The following RPTOR variants were observed in gnomAD, a reference collection of about 807,000 sequenced individuals.
The protein encoded by RPTOR is regulatory associated protein of MTOR complex 1.
In RPTOR, 21 loss-of-function variants were observed where a neutral mutation model predicts 169.9. The ratio of observed to expected loss-of-function variants is 0.12; its 90% CI spans 0.09 to 0.18. RPTOR has a LOEUF of 0.18. Among genes scored for constraint, RPTOR ranks in the 10% least tolerant of loss-of-function variants. The pLI, the probability that RPTOR is intolerant of heterozygous loss-of-function variation, is 1.00. For synonymous variants in RPTOR, 732 were observed against 753.2 expected (o/e 0.97, Z 0.46); for missense variants, 1,133 against 1,855.9 (o/e 0.61, Z 7.16).
chr17:80,653,520 T>C (rs753938851), intron 3 of RPTOR, among the ~76,000 whole-genome samples: 1 of 152,240 alleles, frequency 6.6e-6, no homozygotes, highest in African/African-American at 2.4e-5. Context: ...TCTCTCCACC[T>C]GGAGTGTATG....
intron 7 of RPTOR, among the ~76,000 whole-genome samples, chr17:80,817,408 G>T (rs1016480917): frequency 8.5e-5 from 13 of 152,104 alleles, no homozygotes; most frequent in Admixed American, 6.5e-5. Flanking sequence ...CACCCCATGG[G>T]GAGGAGATCA....
chr17:80,925,855 G>A (rs1052646539), intron 24 of RPTOR, among the ~76,000 whole-genome samples: 2 of 152,214 alleles, frequency 1.3e-5, no homozygotes, highest in East Asian at 1.9e-4. Flanking sequence ...CAATCCTAGC[G>A]CATTTGGGGT....
intron 6 of RPTOR, among the ~76,000 whole-genome samples, chr17:80,758,845 G>C (rs537567538): frequency 2.6e-5 from 4 of 151,958 alleles, no homozygotes; most frequent in Non-Finnish European, 5.9e-5. Flanking sequence ...AGGCAGATGG[G>C]TGGGGGAGCA....
At chr17:80,807,990 G>T (rs1338927678) in intron 7 of RPTOR, among the ~76,000 whole-genome samples, 4 of 152,112 alleles carry the variant, frequency 2.6e-5, no homozygotes. Flanking sequence ...ACTATAACGT[G>T]CATCCTGCTA....
At chr17:80,685,627 ATTTTTTTTTTTTTTTTT>A (rs1165540456) in intron 3 of RPTOR, among the ~76,000 whole-genome samples, 2 of 30,686 alleles carry the variant, frequency 6.5e-5, no homozygotes, top group African/African-American at 3.4e-4. Flanking sequence ...ATATATATAT[ATTTTTTTTTTTTTTTTT>A]TTTTTTTTTT....
chr17:80,905,730 G>A (rs914422974), intron 20 of RPTOR, among the ~76,000 whole-genome samples: 6 of 152,166 alleles, frequency 3.9e-5, no homozygotes, highest in Non-Finnish European at 7.3e-5. Flanking sequence ...GGGTGTCCGC[G>A]TCTGTGGCCC....
At chr17:80,546,462 AGT>A (rs1043141954) in intron 1 of RPTOR, among the ~76,000 whole-genome samples, 118 of 152,164 alleles carry the variant, frequency 7.8e-4, no homozygotes, top group African/African-American at 2.5e-3. Flanking sequence ...GAGTGTGGAG[AGT>A]GACTCACAAG....
chr17:80,643,622 A>G, intron 2 of RPTOR, 106 bp from the exon 3 acceptor site: 1 of 756,314 alleles, frequency 1.3e-6, no homozygotes, highest in South Asian at 1.8e-5. Flanking sequence ...CTTTTAGTCA[A>G]AGGTGACTTT....
At chr17:80,551,889 T>C (rs11653338) in intron 1 of RPTOR, among the ~76,000 whole-genome samples, 66,061 of 150,530 alleles carry the variant, frequency 0.44, 14,462 homozygotes, top group Middle Eastern at 0.51. Context: ...TCCGCAGTGT[T>C]TGTGTCCCTG....
At chr17:80,891,555 G>A (rs1020324700) in intron 17 of RPTOR, among the ~76,000 whole-genome samples, 165 bp from the exon 18 acceptor site, 7 of 152,236 alleles carry the variant, frequency 4.6e-5, no homozygotes, top group African/African-American at 7.2e-5. Flanking sequence ...CTATTCCAAG[G>A]CCTCTGCTCT....
At chr17:80,779,583 C>T (rs1327808702) in intron 6 of RPTOR, among the ~76,000 whole-genome samples, 1 of 152,122 alleles carries the variant, frequency 6.6e-6, no homozygotes, top group African/African-American at 2.4e-5. Context: ...AGGCACTGCC[C>T]CTCCGACACA....
At chr17:80,650,964 T>C (rs2065634613) in intron 3 of RPTOR, among the ~76,000 whole-genome samples, 1 of 152,236 alleles carries the variant, frequency 6.6e-6, no homozygotes. Flanking sequence ...TCGAGGATAT[T>C]ATCTCTCATC....
At chr17:80,882,946 G>A (rs1304406570) in intron 14 of RPTOR, among the ~76,000 whole-genome samples, 2 of 152,204 alleles carry the variant, frequency 1.3e-5, no homozygotes, top group African/African-American at 4.8e-5. Context: ...GTCAGCGGAG[G>A]CACAGAGGAA....
At chr17:80,679,943 C>G (rs1204194063) in intron 3 of RPTOR, among the ~76,000 whole-genome samples, 3 of 152,180 alleles carry the variant, frequency 2.0e-5, no homozygotes, top group African/African-American at 7.2e-5. Flanking sequence ...GCGGAGGGAG[C>G]CCCATGGTCC....
At chr17:80,817,072 G>T (rs986287547) in intron 7 of RPTOR, among the ~76,000 whole-genome samples, 1 of 152,264 alleles carries the variant, frequency 6.6e-6, no homozygotes, top group African/African-American at 2.4e-5. Flanking sequence ...GGTGGACTTG[G>T]CAGGTGGGTG....
At chr17:80,897,479 G>T (rs1362287344) in intron 20 of RPTOR, among the ~76,000 whole-genome samples, 2 of 152,192 alleles carry the variant, frequency 1.3e-5, no homozygotes, top group African/African-American at 4.8e-5. Context: ...TAATTTCTTT[G>T]AATGTATTTT....
chr17:80,876,135 G>T (rs1367065452), intron 13 of RPTOR, among the ~76,000 whole-genome samples: 9 of 136,312 alleles, frequency 6.6e-5, no homozygotes, highest in Admixed American at 1.4e-4. Context: ...CAGGATGTGT[G>T]TGTCACCTGC....
chr17:80,915,986 G>C (rs868843501), intron 21 of RPTOR, among the ~76,000 whole-genome samples: 2 of 152,178 alleles, frequency 1.3e-5, no homozygotes, highest in South Asian at 2.1e-4. Context: ...CCAACTGTGG[G>C]TCTCCTCTGA....
intron 2 of RPTOR, among the ~76,000 whole-genome samples, chr17:80,638,681 A>C (rs1352182703): frequency 1.3e-5 from 2 of 152,106 alleles, no homozygotes; most frequent in South Asian, 2.1e-4. Context: ...TTCCCCTCTG[A>C]AGGAATCTGA....
Sources: gnomAD v4.1 joint callset for allele counts (sites outside exome capture counted in the v4.1 genomes callset) on GRCh38, gnomAD v4.1.1 for gene constraint, MANE v1.5 for transcripts, NCBI Gene and HGNC (gene_info 2026-07-23, HGNC 2026-07-21) for gene names.